Variants in PTPRC observed in about 807,000 individuals in gnomAD.
PTPRC encodes protein tyrosine phosphatase receptor type C.
PTPRC carries 44 observed loss-of-function variants against 155.9 expected under a neutral mutation model. The observed-to-expected ratio is 0.28, with a 90% confidence interval of 0.22 to 0.36. The LOEUF (loss-of-function observed/expected upper bound fraction) is 0.36, where lower values mean the gene tolerates loss of function less well. Among genes scored for constraint, PTPRC ranks in the 10% least tolerant of loss-of-function variants. The probability of loss-of-function intolerance (pLI) is 1.00; values close to 1 mark genes in which losing one functional copy is unlikely to be tolerated. For missense variants in PTPRC, 1,401 were observed against 1,564.6 expected (o/e 0.90, Z 1.76); for synonymous variants, 525 against 533.1 (o/e 0.98, Z 0.21).
In PTPRC at chr1:198,732,163, T is replaced by C; in HGVS notation, c.1975-137T>C. 3 of 740,826 alleles carry C rather than the reference T, an allele frequency of 4.0e-6. No homozygotes were observed. The South Asian group carries it at 4.9e-5, about 12-fold the overall frequency. The allele number at this position is 740,826 out of a possible 1,614,324, so 45.9% of individuals were successfully genotyped here. A position where few individuals can be genotyped will look rare whatever the true frequency, so the allele number is the denominator to read the frequency against. Reference sequence around the variant, plus strand: ...ACATAATTCCTGATCTTAATTTTGATTACTCTAAGCAAATTTTTTTATCAA... The same window carrying C: ...ACATAATTCCTGATCTTAATTTTGACTACTCTAAGCAAATTTTTTTATCAA... On this transcript the variant is annotated intron_variant, in intron 18 of 32. Coordinates refer to ENST00000442510, the MANE Select transcript of PTPRC (RefSeq NM_002838.5).
chr1:198,731,812 T>A lies in PTPRC; in HGVS notation c.1974+86T>A, dbSNP rs565694101. 33 of 1,065,868 alleles carry A rather than the reference T, an allele frequency of 3.1e-5. No homozygotes were observed. The South Asian group carries it at 4.2e-4, about 14-fold the overall frequency. 66.0% of individuals were successfully genotyped at this position (1,065,868 alleles called of 1,614,324 possible). ...GTATTTATATTGCCATTTGCCTTTA[T>A]AATTTATCCCACTTGATATTGCAAC... On this transcript the variant is annotated intron_variant, in intron 18 of 32. Transcript: ENST00000442510.
intron 2 of PTPRC, among the ~76,000 whole-genome samples, chr1:198,676,796 G>A (rs990314116): frequency 3.3e-5 from 5 of 152,074 alleles, no homozygotes; most frequent in African/African-American, 4.8e-5. Context: ...AACTTAAGGG[G>A]CACACTAAAT....
In PTPRC at chr1:198,709,838, T is replaced by C. The variant is rs1467428281; in HGVS notation, c.1171+14T>C. ...CAGATTTTGGGAGTGAGTATGTTAC[T>C]TGCATTTATATGTAAAATTGCTTCT... On this transcript the variant is annotated intron_variant, in intron 11 of 32. Transcript: ENST00000442510. 1 of 1,609,212 alleles carries C rather than the reference T, an allele frequency of 6.2e-7. No individual in the cohort carries two copies. Among genetic ancestry groups the C allele is most frequent in the South Asian group, 1.1e-5 (1 of 90,188 alleles).
chr1:198,756,259 A>G lies in PTPRC; in HGVS notation c.*78A>G. 8 of 1,547,488 alleles carry G rather than the reference A, an allele frequency of 5.2e-6. No homozygotes were observed. The highest frequency in any genetic ancestry group is 3.5e-6 in the Non-Finnish European group (4 of 1,128,848). On this transcript the variant is annotated 3_prime_UTR_variant, in exon 33 of 33. Coordinates refer to ENST00000442510, the MANE Select transcript of PTPRC (RefSeq NM_002838.5). ...TTTTGTAGAAGTAGGAAGTGAAAAT[A>G]GGTATACAGTGGATTAATTAAATGC... is the stretch of plus-strand genomic sequence containing the variant.
intron 2 of PTPRC, among the ~76,000 whole-genome samples, chr1:198,688,468 A>G (rs1025453904): frequency 2.6e-5 from 4 of 152,190 alleles, no homozygotes; most frequent in African/African-American, 9.7e-5. Flanking sequence ...CTTAACATCT[A>G]AACAAAAGGT....
chr1:198,727,952 A>G (rs1654215302), intron 15 of PTPRC, among the ~76,000 whole-genome samples: 2 of 152,192 alleles, frequency 1.3e-5, no homozygotes, highest in Admixed American at 1.3e-4. Context: ...ACTTCTGCAT[A>G]TAAAGTTAAA....
In PTPRC at chr1:198,706,855, G is replaced by A. The variant is rs750348937; in HGVS notation, c.807G>A (p.Glu269=). Reference sequence around the variant, plus strand: ...GAAACAATACTTGCACAAACAATGAGGTGCATAACCTTACAGAATGTAAAA... The same window carrying A: ...GAAACAATACTTGCACAAACAATGAAGTGCATAACCTTACAGAATGTAAAA... ...ECGNNTCTNN[E]VHNLTECKNA... is the part of the protein sequence containing the mutation. Residue 269 remains glutamate, a synonymous_variant, in exon 9 of 33, where the codon GAG becomes GAA. Transcript: ENST00000442510. The A allele has an allele frequency of 3.7e-6, 6 of 1,612,688 alleles. No homozygotes were observed. The highest frequency in any genetic ancestry group is 2.7e-5 in the African/African-American group (2 of 74,856).
intron 2 of PTPRC, among the ~76,000 whole-genome samples, chr1:198,640,473 A>G (rs143444936): frequency 0.01 from 1,551 of 152,076 alleles, 23 homozygotes; most frequent in African/African-American, 0.036. Flanking sequence ...GAAAAACAAC[A>G]TAAGATTTTT....
chr1:198,750,759 CT>C, intron 29 of PTPRC, 133 bp downstream of exon 29: 1 of 1,182,306 alleles, frequency 8.5e-7, no homozygotes, highest in Non-Finnish European at 1.2e-6. Context: ...TCTGCTCAGT[CT>C]TACCCCTTTC....
rs12565988 is a variant in PTPRC, at chr1:198,722,767, G to A, written c.1720+291G>A. 3.0e-4 allele frequency among the ~76,000 whole-genome samples: 45 copies of A among 151,542 alleles called. No homozygotes were observed. In the East Asian group the frequency reaches 7.2e-3, roughly 24 times the overall value. ...ATTATGTTTATGTTTATGAAATATC[G>A]TCATGTTAGTAACATTTTTCGTGTA... On this transcript the variant is annotated intron_variant, in intron 15 of 32. Transcript: ENST00000442510.
At chr1:198,693,558 A>G (rs915625273) in intron 3 of PTPRC, among the ~76,000 whole-genome samples, 1 of 152,152 alleles carries the variant, frequency 6.6e-6, no homozygotes, top group South Asian at 2.1e-4. Context: ...TTATCTCTGA[A>G]TTGACTCTAT....
At chr1:198,748,269 A>G (rs1000359544) in intron 27 of PTPRC, 70 bp downstream of exon 27, 29 of 1,515,952 alleles carry the variant, frequency 1.9e-5, no homozygotes, top group Non-Finnish European at 2.3e-5. Flanking sequence ...TTAATGTGGG[A>G]CACACAGTCA....
At chr1:198,744,826 A>G (rs192668785) in intron 26 of PTPRC, among the ~76,000 whole-genome samples, 1 of 151,790 alleles carries the variant, frequency 6.6e-6, no homozygotes, top group Admixed American at 6.6e-5. Flanking sequence ...TAATCTACCA[A>G]ACTGGTAAAT....
chr1:198,642,933 T>G (rs962299483), intron 2 of PTPRC, among the ~76,000 whole-genome samples: 6 of 149,210 alleles, frequency 4.0e-5, no homozygotes, highest in Non-Finnish European at 7.4e-5. Flanking sequence ...TCTTTCTTTC[T>G]TTCTTTCTTT....
Position 198,755,905 on chromosome 1 carries a change from G to A in PTPRC, c.3646-1G>A. On this transcript the variant is annotated splice_acceptor_variant, in intron 32 of 32. Transcript: ENST00000442510. LOFTEE classifies it high-confidence loss of function. Reference sequence around the variant, plus strand: ...AATTTCCCACTTAATTCCTTTACTAGGAGCAATATCAATTCCTATATGACG... The same window carrying A: ...AATTTCCCACTTAATTCCTTTACTAAGAGCAATATCAATTCCTATATGACG... 1 of 1,608,072 alleles carries A rather than the reference G, an allele frequency of 6.2e-7. No homozygotes were observed. The highest frequency in any genetic ancestry group is 8.5e-7 in the Non-Finnish European group (1 of 1,175,172).
chr1:198,735,346 A>G lies in PTPRC; in HGVS notation c.2403+94A>G, dbSNP rs190351319. 2.8e-4 allele frequency: 328 copies of G among 1,170,418 alleles called. 3 individuals are homozygous for G. The African/African-American group carries it at 4.8e-3, about 17-fold the overall frequency. The allele number at this position is 1,170,418 out of a possible 1,614,324, so 72.5% of individuals were successfully genotyped here. On this transcript the variant is annotated intron_variant, in intron 23 of 32. Coordinates refer to ENST00000442510, the MANE Select transcript of PTPRC (RefSeq NM_002838.5). ...AAGTGAGAAAATAAAATATATCAGG[A>G]AAAATTATTTTTGATAACCTTTAGG...
At chr1:198,668,659 T>A (rs1664463073) in intron 2 of PTPRC, among the ~76,000 whole-genome samples, 1 of 152,168 alleles carries the variant, frequency 6.6e-6, no homozygotes, top group South Asian at 2.1e-4. Context: ...AATTACATAG[T>A]TTATAGAAAA....
intron 9 of PTPRC, among the ~76,000 whole-genome samples, chr1:198,707,548 A>T (rs1653050204): frequency 1.3e-5 from 2 of 152,274 alleles, no homozygotes; most frequent in African/African-American, 4.8e-5. Context: ...TTTTTTAAAA[A>T]GTCATATCAT....
rs373509702 is a variant in PTPRC at position 198,741,991 on chromosome 1, C to G, written c.2526C>G (p.Ser842Arg). 5 of 1,609,750 alleles carry G rather than the reference C, an allele frequency of 3.1e-6. No individual in the cohort carries two copies. The highest frequency in any genetic ancestry group is 4.2e-6 in the Non-Finnish European group (5 of 1,178,202). Residue 842 changes from serine to arginine, a missense_variant, in exon 24 of 33, where the codon AGC (serine) becomes AGG (arginine). Coordinates refer to ENST00000442510, the MANE Select transcript of PTPRC (RefSeq NM_002838.5). ...LKLRRRVNAF[S>R]NFFSGPIVVH... Reference sequence around the variant, plus strand: ...TGAGAAGGAGAGTGAATGCCTTCAGCAATTTCTTCAGTGGTCCCATTGTGG... The same window carrying G: ...TGAGAAGGAGAGTGAATGCCTTCAGGAATTTCTTCAGTGGTCCCATTGTGG...
Sources: gnomAD v4.1 joint callset for allele counts (sites outside exome capture counted in the v4.1 genomes callset) on GRCh38, gnomAD v4.1.1 for gene constraint, MANE v1.5 for transcripts, NCBI Gene and HGNC (gene_info 2026-07-23, HGNC 2026-07-21) for gene names.